SMG7: variants seen among roughly 807,000 people sequenced by gnomAD.
SMG7 encodes the protein SMG7 nonsense mediated mRNA decay factor.
A neutral mutation model predicts 148.2 loss-of-function variants in SMG7; 34 were observed. The ratio of observed to expected loss-of-function variants is 0.23; its 90% CI spans 0.17 to 0.31. The LOEUF (loss-of-function observed/expected upper bound fraction) is 0.31. SMG7 is among the 10% of genes least tolerant of loss of function. SMG7 has a pLI of 1.00. For missense variants in SMG7, 1,114 were observed against 1,408.4 expected (o/e 0.79, Z 3.35); for synonymous variants, 492 against 515.1 (o/e 0.96, Z 0.61).
intron 1 of SMG7, among the ~76,000 whole-genome samples, chr1:183,500,260 C>G (rs1478557702): frequency 1.3e-5 from 2 of 151,978 alleles, no homozygotes; most frequent in Non-Finnish European, 2.9e-5. Flanking sequence ...TATATAGATT[C>G]CACTACGATG....
At chr1:183,512,442 A>C (rs564403209) in intron 1 of SMG7, among the ~76,000 whole-genome samples, 7 of 152,082 alleles carry the variant, frequency 4.6e-5, no homozygotes, top group Non-Finnish European at 7.4e-5. Context: ...GAAGAGGGGA[A>C]ATTTGAAATA....
intron 1 of SMG7, among the ~76,000 whole-genome samples, chr1:183,506,840 T>TA (rs901134957): frequency 2.6e-5 from 4 of 151,468 alleles, no homozygotes; most frequent in African/African-American, 7.3e-5. Context: ...GGAAATATCT[T>TA]ACATTTTTAA....
At chr1:183,546,986 C>T in intron 17 of SMG7, 117 bp from the exon 18 acceptor site, 1 of 967,360 alleles carries the variant, frequency 1.0e-6, no homozygotes, top group Non-Finnish European at 1.5e-6. Context: ...TTGCCTAATA[C>T]CATCTATCTC....
At chr1:183,495,268 G>A (rs184220515) in intron 1 of SMG7, among the ~76,000 whole-genome samples, 1,698 of 152,050 alleles carry the variant, frequency 0.011, 32 homozygotes, top group African/African-American at 0.039. Context: ...TAGATTTATA[G>A]GCTTATAATT....
In SMG7 at chr1:183,544,960, C is replaced by A. The variant is rs374142592; in HGVS notation, c.2018C>A (p.Pro673Gln). 10 of 1,613,700 alleles carry A rather than the reference C, an allele frequency of 6.2e-6. No homozygotes were observed. The highest frequency in any genetic ancestry group is 2.7e-5 in the African/African-American group (2 of 74,880). The change falls in exon 16 of 23, where the codon CCG becomes CAG. Residue 673 changes from proline (P) to glutamine (Q), a missense_variant. This residue lies in a region of SMG7 where 788 missense variants were observed against 894.5 expected (regional missense o/e 0.88). Transcript: ENST00000688051. The stretch of plus-strand genomic sequence containing the variant: ...CCGCCCCCAACATATGTTATCCCCC[C>A]GCCTGTGGCATTTTCTATGGGCTCA... Reference protein sequence around the residue: ...GFPPPTYVIPPPVAFSMGSGY... With the variant: ...GFPPPTYVIPQPVAFSMGSGY...
intron 7 of SMG7, 35 bp from the exon 8 acceptor site, chr1:183,529,363 C>T (rs377649513): frequency 1.2e-6 from 2 of 1,604,548 alleles, no homozygotes; most frequent in South Asian, 2.2e-5. Flanking sequence ...CAATTTGCTG[C>T]TTATGATTCA....
rs1400230980 is a variant in SMG7 at position 183,526,714 on chromosome 1, C to T, written c.431C>T (p.Ser144Phe). 1 of 1,613,826 alleles carries T rather than the reference C, an allele frequency of 6.2e-7. No homozygotes were observed. Among genetic ancestry groups the T allele is most frequent in the South Asian group, 1.1e-5 (1 of 90,988 alleles). The stretch of plus-strand genomic sequence containing the variant: ...ACCAGCGCCATAGTGAAGCCACAGT[C>T]TAGCTCCTGTTCCTATATCTGCCAG... Reference protein sequence around the residue: ...THTSAIVKPQSSSCSYICQHC... With the variant: ...THTSAIVKPQFSSCSYICQHC... The change falls in exon 5 of 23, where the codon TCT becomes TTT. Residue 144 changes from serine to phenylalanine, a missense_variant. By Grantham distance (155) the Ser-to-Phe change is radical (BLOSUM62 -2). This residue lies in a region of SMG7 where 216 missense variants were observed against 329.1 expected (regional missense o/e 0.66). Coordinates refer to ENST00000688051, the MANE Select transcript of SMG7 (RefSeq NM_001375584.1).
chr1:183,496,256 A>G (rs1658456929), intron 1 of SMG7, among the ~76,000 whole-genome samples: 1 of 151,982 alleles, frequency 6.6e-6, no homozygotes, highest in Non-Finnish European at 1.5e-5. Context: ...TCATTCAGGG[A>G]CTTTTTTTCC....
intron 4 of SMG7, among the ~76,000 whole-genome samples, chr1:183,524,529 A>G (rs1197939045): frequency 6.6e-6 from 1 of 152,168 alleles, no homozygotes; most frequent in East Asian, 1.9e-4. Context: ...CAGAATTTAT[A>G]TTTAGTTATG....
chr1:183,541,249 C>T (rs963211230), intron 13 of SMG7, 146 bp downstream of exon 13: 5 of 697,568 alleles, frequency 7.2e-6, no homozygotes, highest in Admixed American at 2.5e-5. Flanking sequence ...ACTCTTAAAT[C>T]GACATGTTGG....
intron 1 of SMG7, among the ~76,000 whole-genome samples, chr1:183,504,798 A>C (rs1358120828): frequency 6.6e-6 from 1 of 152,006 alleles, no homozygotes; most frequent in African/African-American, 2.4e-5. Flanking sequence ...GATCTACCTT[A>C]TCTCTGAAAT....
At chr1:183,542,559 T>G (rs1196259799) in intron 14 of SMG7, 57 bp downstream of exon 14, 4 of 1,455,782 alleles carry the variant, frequency 2.7e-6, no homozygotes, top group Non-Finnish European at 3.7e-6. Context: ...AAAGGCAAGA[T>G]TTTTCATTTT....
intron 12 of SMG7, among the ~76,000 whole-genome samples, chr1:183,540,659 T>G (rs925527843): frequency 1.3e-5 from 2 of 152,204 alleles, no homozygotes; most frequent in Admixed American, 1.3e-4. Flanking sequence ...AAGATAAATG[T>G]TTATAAAACT....
At chr1:183,487,655 AT>A (rs1242881591) in intron 1 of SMG7, among the ~76,000 whole-genome samples, 5 of 152,124 alleles carry the variant, frequency 3.3e-5, no homozygotes, top group Non-Finnish European at 1.5e-5. Flanking sequence ...TGCTGGCCCT[AT>A]TGGAAATTGG....
At chr1:183,514,309 T>C (rs1662971847) in intron 2 of SMG7, among the ~76,000 whole-genome samples, 1 of 151,664 alleles carries the variant, frequency 6.6e-6, no homozygotes, top group African/African-American at 2.4e-5. Context: ...AGCTCTAGAG[T>C]CACTTAGGCT....
rs891140215 is a variant in SMG7 at position 183,542,933 on chromosome 1, G to A, written c.1842+431G>A. Among the ~76,000 whole-genome samples, 586 of 67,500 alleles carry A rather than the reference G, an allele frequency of 8.7e-3. 2 individuals are homozygous for A. The highest frequency in any genetic ancestry group is 0.021 in the African/African-American group (560 of 26,068). 44.3% of individuals were successfully genotyped at this position (67,500 alleles called of 152,430 possible). On this transcript the variant is annotated intron_variant, in intron 14 of 22. Coordinates refer to ENST00000688051, the MANE Select transcript of SMG7 (RefSeq NM_001375584.1). ...TTCACTATAATATATATATATGTGT[G>A]TGTGTGTGTGTGTGTGTGTGTGTGT... is the stretch of plus-strand genomic sequence containing the variant.
chr1:183,543,363 T>C (rs1204453748), intron 14 of SMG7, among the ~76,000 whole-genome samples: 1 of 152,064 alleles, frequency 6.6e-6, no homozygotes. Flanking sequence ...ATTTCTCTAA[T>C]TTTTTTGAGA....
intron 1 of SMG7, among the ~76,000 whole-genome samples, chr1:183,492,336 A>G (rs1657261838): frequency 6.6e-6 from 1 of 152,212 alleles, no homozygotes; most frequent in Admixed American, 6.5e-5. Flanking sequence ...TTGGCTATAC[A>G]TGTAAAAACA....
chr1:183,517,413 T>A (rs1283222289), intron 3 of SMG7, among the ~76,000 whole-genome samples: 1 of 152,228 alleles, frequency 6.6e-6, no homozygotes, highest in Non-Finnish European at 1.5e-5. Context: ...GATTCCTAAA[T>A]AAACTCTAGT....
Sources: gnomAD v4.1 joint callset for allele counts (sites outside exome capture counted in the v4.1 genomes callset) on GRCh38, gnomAD v4.1.1 for gene constraint, gnomAD v4.1.1 regional missense constraint, MANE v1.5 for transcripts, NCBI Gene and HGNC (gene_info 2026-07-23, HGNC 2026-07-21) for gene names.